Variants in ARHGAP23 observed in about 807,000 individuals in gnomAD.
The protein encoded by ARHGAP23 is rho GTPase-activating protein 23.
Under a neutral mutation model 136.3 loss-of-function variants are expected in ARHGAP23, and 34 were observed. The observed-to-expected ratio is 0.25, with a 90% CI of 0.19 to 0.33. The LOEUF (loss-of-function observed/expected upper bound fraction) is 0.33, where lower values mean the gene tolerates loss of function less well. Ranked by LOEUF, ARHGAP23 falls within the 10% of genes least tolerant of loss-of-function variation. The pLI is 1.00. For missense variants in ARHGAP23, 1,808 were observed against 2,139.0 expected (o/e 0.85, Z 3.05); for synonymous variants, 832 against 920.5 (o/e 0.90, Z 1.74).
At chr17:38,493,444 G>A (rs890960256) in intron 20 of ARHGAP23, among the ~76,000 whole-genome samples, 8 of 152,132 alleles carry the variant, frequency 5.3e-5, no homozygotes, top group African/African-American at 1.2e-4. Flanking sequence ...CTCCCATCTC[G>A]GCCTCCCAAA....
chr17:38,457,685 C>T (rs2039360880), intron 1 of ARHGAP23: 1 of 234,930 alleles, frequency 4.3e-6, no homozygotes, highest in South Asian at 7.1e-5. Context: ...TCTGGGAGTG[C>T]ATATATGTGT....
At chr17:38,470,416 A>G (rs939464270) in intron 10 of ARHGAP23, among the ~76,000 whole-genome samples, 1 of 152,058 alleles carries the variant, frequency 6.6e-6, no homozygotes, top group African/African-American at 2.4e-5. Context: ...TCTTGTCTTC[A>G]TGGGATGGGG....
intron 1 of ARHGAP23, among the ~76,000 whole-genome samples, chr17:38,449,367 G>T (rs1372122112): frequency 6.6e-6 from 1 of 152,240 alleles, no homozygotes; most frequent in Non-Finnish European, 1.5e-5. Context: ...TGCCAGTGCG[G>T]GGTGCCCAGG....
Position 38,467,012 on chromosome 17 carries a change from T to TG in ARHGAP23, c.1335dup (p.Leu446AlafsTer43). On this transcript the variant is annotated frameshift_variant, in exon 7 of 24. Coordinates refer to ENST00000622683, the MANE Select transcript of ARHGAP23 (RefSeq NM_001199417.2). LOFTEE classifies it high-confidence loss of function. Reference sequence around the variant, plus strand: ...CGCTCTCCTTCCGGGACTCACCCTTTGGGGGGCTGCCTACCTTCAACCTGG... The same window carrying TG: ...CGCTCTCCTTCCGGGACTCACCCTTTGGGGGGGCTGCCTACCTTCAACCTGG... 6.4e-7 allele frequency: 1 copy of TG among 1,550,726 alleles called. No homozygotes were observed.
At chr17:38,464,891 G>A (rs1269668659) in intron 6 of ARHGAP23, among the ~76,000 whole-genome samples, 3 of 152,204 alleles carry the variant, frequency 2.0e-5, no homozygotes, top group Non-Finnish European at 4.4e-5. Flanking sequence ...CAAGGCTGGA[G>A]GCCAATCGGG....
chr17:38,426,072 C>T (rs1426522549), upstream of ARHGAP23, among the ~76,000 whole-genome samples: 1 of 152,082 alleles, frequency 6.6e-6, no homozygotes, highest in East Asian at 1.9e-4. Flanking sequence ...CCTCCCTCCT[C>T]CCCCATGGCC....
rs886823662 is a variant in ARHGAP23 at position 38,477,952 on chromosome 17, G to C, written c.2436+56G>C. The C allele has an allele frequency of 6.5e-7, 1 of 1,532,904 alleles. No homozygotes were observed. 95.0% of individuals were successfully genotyped at this position (1,532,904 alleles called of 1,614,324 possible). A position where few individuals can be genotyped will look rare whatever the true frequency, so the allele number is the denominator to read the frequency against. Reference sequence around the variant, plus strand: ...AGGGCGGGCGGGGTGGCCTCTCACCGGCTGTGGACCTGGGATGCCCGCTCT... The same window carrying C: ...AGGGCGGGCGGGGTGGCCTCTCACCCGCTGTGGACCTGGGATGCCCGCTCT... On this transcript the variant is annotated intron_variant, in intron 12 of 23. Coordinates refer to ENST00000622683, the MANE Select transcript of ARHGAP23 (RefSeq NM_001199417.2). The surrounding 1 kb of genome is among the most constrained non-coding windows in gnomAD (Gnocchi z 6.6).
chr17:38,490,250 T>G, intron 18 of ARHGAP23, 75 bp downstream of exon 18: 1 of 1,435,644 alleles, frequency 7.0e-7, no homozygotes, highest in Non-Finnish European at 9.6e-7. Flanking sequence ...AGGCAGGGAG[T>G]CCGGTGCTGC....
At position 38,498,422 on chromosome 17, in the gene ARHGAP23, G is replaced by C. The variant is rs2040441288; in HGVS notation, c.3327G>C (p.Val1109=). ...CCTCCTCCTGTTCGCAGACCCCTGT[G>C]GGCGACAAGGAGCCTCAGGCAGTGC... is the stretch of plus-strand genomic sequence containing the variant. ...DEEDKGERTP[V]GDKEPQAVPN... The change falls in exon 22 of 24, where the codon GTG becomes GTC. Residue 1109 remains valine, a synonymous_variant. Coordinates refer to ENST00000622683, the MANE Select transcript of ARHGAP23 (RefSeq NM_001199417.2). The C allele has an allele frequency of 2.6e-6, 4 of 1,547,652 alleles. No homozygotes were observed. Among genetic ancestry groups the C allele is most frequent in the Non-Finnish European group, 3.5e-6 (4 of 1,145,804 alleles).
chr17:38,488,079 A>C (rs56016673), intron 17 of ARHGAP23, among the ~76,000 whole-genome samples: 4 of 150,860 alleles, frequency 2.7e-5, no homozygotes, highest in Admixed American at 1.3e-4. Flanking sequence ...TTAAAAAAAA[A>C]TTTTTTTTGG....
At chr17:38,465,129 G>A (rs917142819) in intron 6 of ARHGAP23, among the ~76,000 whole-genome samples, 5 of 151,984 alleles carry the variant, frequency 3.3e-5, no homozygotes, top group Admixed American at 6.6e-5. Context: ...GGATGCTGCC[G>A]CCGCCGTGAT....
intron 17 of ARHGAP23, 144 bp from the exon 18 acceptor site, chr17:38,489,958 T>A (rs1210832113): frequency 4.2e-6 from 3 of 715,060 alleles, no homozygotes; most frequent in African/African-American, 1.8e-5. Context: ...GTGGGTGTGT[T>A]CACATACACA....
Position 38,477,769 on chromosome 17 carries a change from C to A in ARHGAP23, c.2309C>A (p.Thr770Asn), listed in dbSNP as rs1447264923. ...SCLVDISYSE[T>N]KRRHVFRLTT... is the part of the protein sequence containing the mutation. ...CTCGTGGACATCTCCTACAGCGAGA[C>A]CAAGAGGAGGCACGTGTTCCGGCTG... is the stretch of plus-strand genomic sequence containing the variant. The change falls in exon 12 of 24, where the codon ACC (threonine) becomes AAC (asparagine). Residue 770 changes from threonine to asparagine, a missense_variant. By Grantham distance (65) the Thr-to-Asn change is moderately conservative. Coordinates refer to ENST00000622683, the MANE Select transcript of ARHGAP23 (RefSeq NM_001199417.2). This position sits in a 1 kb window ranked among gnomAD's most constrained non-coding sequence, Gnocchi z 6.6. 1 of 1,549,798 alleles carries A rather than the reference C, an allele frequency of 6.5e-7. No homozygotes were observed. Among genetic ancestry groups the A allele is most frequent in the South Asian group, 1.2e-5 (1 of 84,040 alleles).
chr17:38,486,556 T>TTTA (rs1318637200), intron 17 of ARHGAP23, among the ~76,000 whole-genome samples: 44 of 141,712 alleles, frequency 3.1e-4, no homozygotes, highest in African/African-American at 1.1e-3. Context: ...TTTTTTTTTT[T>TTTA]AACACAAAAG....
chr17:38,473,047 C>T (rs2039799974), intron 11 of ARHGAP23, among the ~76,000 whole-genome samples: 1 of 152,138 alleles, frequency 6.6e-6, no homozygotes, highest in African/African-American at 2.4e-5. Context: ...AGCAATTCTC[C>T]AGCCTCAGCC....
chr17:38,508,911 T>G (rs955696577), intron 23 of ARHGAP23, among the ~76,000 whole-genome samples: 1 of 151,704 alleles, frequency 6.6e-6, no homozygotes. Context: ...GAGTGTGGTG[T>G]TGGACAGGGA....
intron 7 of ARHGAP23, among the ~76,000 whole-genome samples, chr17:38,468,807 G>A (rs746719238): frequency 2.6e-5 from 4 of 152,140 alleles, no homozygotes; most frequent in Non-Finnish European, 5.9e-5. Context: ...TCTGAGAGGG[G>A]AGACATAATT....
At chr17:38,441,995 C>T (rs1044924807) in intron 1 of ARHGAP23, among the ~76,000 whole-genome samples, 7 of 152,106 alleles carry the variant, frequency 4.6e-5, no homozygotes, top group African/African-American at 1.7e-4. Context: ...CTGGCTCTGT[C>T]GCCCAGGCTG....
At chr17:38,428,453 G>C (rs1309657468), upstream of ARHGAP23, 1 of 1,402,102 alleles carries the variant, frequency 7.1e-7, no homozygotes, top group South Asian at 1.4e-5. Context: ...GCCCCCAGCC[G>C]TGCCCCGGCC....
Sources: allele counts gnomAD v4.1 joint callset (sites outside exome capture counted in the v4.1 genomes callset), GRCh38; gene constraint gnomAD v4.1.1; non-coding constraint Gnocchi (gnomAD v3.1); transcripts MANE v1.5; gene names NCBI Gene and HGNC (gene_info 2026-07-23, HGNC 2026-07-21).